GRIN2A: variants seen among roughly 807,000 people sequenced by gnomAD.
The protein encoded by GRIN2A is glutamate ionotropic receptor NMDA type subunit 2A, also known as glutamate receptor ionotropic, NMDA 2A.
A neutral mutation model predicts 113.4 loss-of-function variants in GRIN2A; 22 were observed. The ratio of observed to expected loss-of-function variants is 0.19; its 90% CI spans 0.14 to 0.28. The LOEUF is 0.28. Ranked by LOEUF, GRIN2A falls within the 10% of genes least tolerant of loss-of-function variation. GRIN2A has a pLI of 1.00. For missense variants in GRIN2A, 1,502 were observed against 1,887.0 expected (o/e 0.80, Z 3.78); for synonymous variants, 827 against 738.4 (o/e 1.12, Z -1.94).
At chr16:9,847,473 G>C (rs1456212729) in intron 5 of GRIN2A, among the ~76,000 whole-genome samples, 1 of 151,996 alleles carries the variant, frequency 6.6e-6, no homozygotes, top group Non-Finnish European at 1.5e-5. Flanking sequence ...GTTGAGGTGA[G>C]AAGAACACTT....
chr16:10,056,652 G>C (rs2047461295), intron 2 of GRIN2A, among the ~76,000 whole-genome samples: 1 of 152,086 alleles, frequency 6.6e-6, no homozygotes, highest in Non-Finnish European at 1.5e-5. Flanking sequence ...GTCCTGAAGA[G>C]GAGAAAACAC....
chr16:10,167,098 C>T (rs750495869), intron 2 of GRIN2A, among the ~76,000 whole-genome samples: 7 of 146,218 alleles, frequency 4.8e-5, no homozygotes, highest in Admixed American at 2.8e-4. Context: ...ATGCAACTAG[C>T]GCCTGCATTA....
At chr16:10,118,364 G>A (rs145538709) in intron 2 of GRIN2A, among the ~76,000 whole-genome samples, 187 of 151,942 alleles carry the variant, frequency 1.2e-3, no homozygotes, top group African/African-American at 4.4e-3. Context: ...CCCACCCCAC[G>A]CAGCAATTGT....
At chr16:10,093,471 A>C (rs1294244231) in intron 2 of GRIN2A, among the ~76,000 whole-genome samples, 1 of 152,188 alleles carries the variant, frequency 6.6e-6, no homozygotes, top group African/African-American at 2.4e-5. Context: ...GTTAATCTAC[A>C]GCATCTCTCC....
chr16:10,039,426 C>T (rs568483174), intron 2 of GRIN2A, among the ~76,000 whole-genome samples: 1 of 152,300 alleles, frequency 6.6e-6, no homozygotes, highest in African/African-American at 2.4e-5. Context: ...TTCTCTGGAT[C>T]TTCTGTTTTC....
chr16:9,816,811 A>G (rs2042195113), intron 10 of GRIN2A, among the ~76,000 whole-genome samples: 1 of 152,198 alleles, frequency 6.6e-6, no homozygotes, highest in South Asian at 2.1e-4. Context: ...TTCTGATTCA[A>G]CTGGCTCAGT....
At chr16:10,005,376 A>G (rs1311814713) in intron 2 of GRIN2A, among the ~76,000 whole-genome samples, 2 of 152,244 alleles carry the variant, frequency 1.3e-5, no homozygotes, top group Non-Finnish European at 2.9e-5. Context: ...ACAAACTAAC[A>G]AACATGAGTA....
intron 4 of GRIN2A, among the ~76,000 whole-genome samples, chr16:9,880,323 A>G (rs1198562414): frequency 1.3e-5 from 2 of 152,132 alleles, no homozygotes; most frequent in African/African-American, 2.4e-5. Context: ...AAGCATTCTC[A>G]CACTCCAAAT....
At chr16:10,029,402 C>G (rs2046887626) in intron 2 of GRIN2A, among the ~76,000 whole-genome samples, 1 of 152,114 alleles carries the variant, frequency 6.6e-6, no homozygotes, top group East Asian at 1.9e-4. Context: ...CCATGTTGGT[C>G]AGGCTGGCCT....
chr16:9,870,661 G>A (rs1305332034), intron 4 of GRIN2A, among the ~76,000 whole-genome samples: 4 of 145,906 alleles, frequency 2.7e-5, no homozygotes, highest in Non-Finnish European at 6.0e-5. Context: ...TTGTAGAGAT[G>A]GAGTCTCGCT....
chr16:10,177,965 C>T (rs975505800), intron 2 of GRIN2A, among the ~76,000 whole-genome samples: 8 of 152,208 alleles, frequency 5.3e-5, no homozygotes, highest in Non-Finnish European at 1.0e-4. Context: ...AAAGCCTACC[C>T]GGAACCTCCC....
At chr16:9,841,595 G>A (rs1448974105) in intron 5 of GRIN2A, among the ~76,000 whole-genome samples, 1 of 152,150 alleles carries the variant, frequency 6.6e-6, no homozygotes, top group African/African-American at 2.4e-5. Flanking sequence ...AATTACAGAG[G>A]CTTGAAACCA....
At chr16:10,176,135 A>G (rs2050142505) in intron 2 of GRIN2A, among the ~76,000 whole-genome samples, 1 of 150,694 alleles carries the variant, frequency 6.6e-6, no homozygotes, top group Non-Finnish European at 1.5e-5. Flanking sequence ...CCTCCTGAGT[A>G]GCTGGGATTA....
In GRIN2A at chr16:9,818,735, T is replaced by C. The variant is rs1046881178; in HGVS notation, c.2168+3529A>G. Among the ~76,000 whole-genome samples the C allele has an allele frequency of 3.3e-5, 5 of 152,320 alleles. No homozygotes were observed. In the South Asian group the frequency reaches 8.3e-4, roughly 25 times the overall value. On this transcript the variant is annotated intron_variant, in intron 10 of 12. Coordinates refer to ENST00000330684, the MANE Select transcript of GRIN2A (RefSeq NM_001134407.3). ...TACTTTTTACCTATTAGCAAAATTT[T>C]GAAAGATTAATTACACATTGTATTG...
chr16:10,048,505 G>C (rs2047298436), intron 2 of GRIN2A, among the ~76,000 whole-genome samples: 2 of 152,284 alleles, frequency 1.3e-5, no homozygotes, highest in East Asian at 1.9e-4. Context: ...GACATATGTG[G>C]GGACATGTTG....
chr16:9,892,745 G>A (rs1304587853), intron 3 of GRIN2A, among the ~76,000 whole-genome samples: 1 of 151,988 alleles, frequency 6.6e-6, no homozygotes, highest in Admixed American at 6.6e-5. Context: ...GTTCCCCAAG[G>A]GATCCGCTCT....
chr16:10,176,113 T>C (rs2050141676), intron 2 of GRIN2A, among the ~76,000 whole-genome samples: 1 of 150,172 alleles, frequency 6.7e-6, no homozygotes. Context: ...CATGCAATTC[T>C]CCCTGCCTCA....
intron 8 of GRIN2A, among the ~76,000 whole-genome samples, chr16:9,832,748 A>G (rs1204708645): frequency 1.3e-5 from 2 of 152,328 alleles, no homozygotes; most frequent in East Asian, 3.9e-4. Flanking sequence ...CCTGTTGGAA[A>G]TCTTCTTAGA....
chr16:10,084,958 A>T (rs912551842), intron 2 of GRIN2A, among the ~76,000 whole-genome samples: 10 of 152,158 alleles, frequency 6.6e-5, no homozygotes, highest in African/African-American at 2.4e-4. Context: ...ACTTTGATAC[A>T]ATTTCCTATG....
Sources: gnomAD v4.1 joint callset for allele counts (sites outside exome capture counted in the v4.1 genomes callset) on GRCh38, gnomAD v4.1.1 for gene constraint, MANE v1.5 for transcripts, NCBI Gene and HGNC (gene_info 2026-07-23, HGNC 2026-07-21) for gene names.